Variants in DYM observed in about 807,000 individuals in gnomAD.
DYM encodes dyggve-Melchior-Clausen syndrome protein.
In DYM, 78 loss-of-function variants were observed where a neutral mutation model predicts 93.1. The ratio of observed to expected loss-of-function variants is 0.84; its 90% CI spans 0.70 to 1.01. The LOEUF (loss-of-function observed/expected upper bound fraction) is 1.01. Ranked by LOEUF, DYM falls within the 50% of genes least tolerant of loss-of-function variation. DYM has a pLI of 0.00. For synonymous variants in DYM, 321 were observed against 319.7 expected (o/e 1.00, Z -0.04); for missense variants, 789 against 845.0 (o/e 0.93, Z 0.82).
chr18:49,145,298 T>C (rs2085001735), intron 15 of DYM, among the ~76,000 whole-genome samples: 1 of 151,670 alleles, frequency 6.6e-6, no homozygotes, highest in Non-Finnish European at 1.5e-5. Context: ...TTTTTTCAAT[T>C]GTGTCTTTAA....
intron 14 of DYM, among the ~76,000 whole-genome samples, chr18:49,194,724 A>C (rs1370285480): frequency 6.6e-6 from 1 of 152,096 alleles, no homozygotes; most frequent in Non-Finnish European, 1.5e-5. Context: ...AAATCTTAAC[A>C]ATACTCTCAT....
At chr18:49,195,100 G>C (rs2091321216) in intron 14 of DYM, among the ~76,000 whole-genome samples, 1 of 152,120 alleles carries the variant, frequency 6.6e-6, no homozygotes, top group Non-Finnish European at 1.5e-5. Flanking sequence ...GAAGCTAGCA[G>C]AGTAAATGTT....
intron 15 of DYM, among the ~76,000 whole-genome samples, chr18:49,159,800 CT>C (rs1395286647): frequency 6.6e-6 from 1 of 152,104 alleles, no homozygotes; most frequent in Non-Finnish European, 1.5e-5. Flanking sequence ...AATTTGGTTC[CT>C]TATGGTTGCA....
At chr18:49,265,533 C>T (rs1402423953) in intron 11 of DYM, among the ~76,000 whole-genome samples, 2 of 152,060 alleles carry the variant, frequency 1.3e-5, no homozygotes, top group Non-Finnish European at 2.9e-5. Context: ...AATCCCAGCA[C>T]TTTGGGAGGC....
chr18:49,184,645 C>T (rs1394788263), intron 14 of DYM, among the ~76,000 whole-genome samples: 1 of 152,124 alleles, frequency 6.6e-6, no homozygotes. Context: ...GACTAATGGG[C>T]AGGTCGCATA....
intron 1 of DYM, among the ~76,000 whole-genome samples, chr18:49,435,670 T>C (rs1258296277): frequency 6.6e-6 from 1 of 151,762 alleles, no homozygotes; most frequent in Non-Finnish European, 1.5e-5. Context: ...GCGTCTGTAA[T>C]CCCAGCTACT....
intron 5 of DYM, among the ~76,000 whole-genome samples, chr18:49,369,354 A>G (rs1219313410): frequency 2.0e-5 from 3 of 152,122 alleles, no homozygotes; most frequent in Admixed American, 6.5e-5. Context: ...TAAACTGGGA[A>G]GGGGGGTGGC....
At chr18:49,448,043 A>T (rs1401129292) in intron 1 of DYM, among the ~76,000 whole-genome samples, 1 of 152,106 alleles carries the variant, frequency 6.6e-6, no homozygotes, top group Non-Finnish European at 1.5e-5. Flanking sequence ...CTCTCCATGA[A>T]GCACACTGTC....
chr18:49,272,226 C>A lies in DYM; in HGVS notation c.1203G>T (p.Leu401Phe). 6.2e-7 allele frequency: 1 copy of A among 1,609,968 alleles called. No individual in the cohort carries two copies. The highest frequency in any genetic ancestry group is 8.5e-7 in the Non-Finnish European group (1 of 1,176,594). ...SHHVYMALII[L>F]LILTEDDGFN... ...AGCCATCATCTTCCGTAAGGATCAA[C>A]AATATTATAAGGGCCATATACACAT... The change falls in exon 11 of 18, where the codon TTG becomes TTT. Residue 401 changes from leucine to phenylalanine, a missense_variant. By Grantham distance (22) the Leu-to-Phe change is conservative (BLOSUM62 0). This residue lies in a region of DYM where 225 missense variants were observed against 303.0 expected (regional missense o/e 0.74). Coordinates refer to ENST00000675505, the MANE Select transcript of DYM (RefSeq NM_001353214.3).
At chr18:49,297,170 C>T (rs1326912982) in intron 8 of DYM, among the ~76,000 whole-genome samples, 1 of 152,100 alleles carries the variant, frequency 6.6e-6, no homozygotes, top group Non-Finnish European at 1.5e-5. Context: ...GATGAGGGCA[C>T]TAGGAGATGG....
chr18:49,265,035 A>G (rs1441203955), intron 11 of DYM, among the ~76,000 whole-genome samples: 1 of 152,260 alleles, frequency 6.6e-6, no homozygotes, highest in African/African-American at 2.4e-5. Context: ...CCAAATTAGT[A>G]ATACCAAATA....
At chr18:49,334,841 C>T (rs1229353509) in intron 6 of DYM, among the ~76,000 whole-genome samples, 1 of 152,196 alleles carries the variant, frequency 6.6e-6, no homozygotes, top group Admixed American at 6.5e-5. Flanking sequence ...CTCAGTGGCT[C>T]ACGCCTGTAA....
At chr18:49,081,386 C>T (rs1486939495) in intron 17 of DYM, among the ~76,000 whole-genome samples, 6 of 149,976 alleles carry the variant, frequency 4.0e-5, no homozygotes, top group East Asian at 2.0e-4. Flanking sequence ...TGCCTGCAAT[C>T]GCAGGCACTC....
chr18:49,161,101 AG>A (rs891573992), intron 15 of DYM, among the ~76,000 whole-genome samples: 1 of 151,996 alleles, frequency 6.6e-6, no homozygotes. Context: ...AAAAAAAAAA[AG>A]GATTGTCAAT....
rs557300747 is a variant in DYM, at chr18:49,098,255, G to C, written c.1912-740C>G. On this transcript the variant is annotated intron_variant, in intron 16 of 17. Coordinates refer to ENST00000675505, the MANE Select transcript of DYM (RefSeq NM_001353214.3). ...AATAACATTTAGGTGTTTATAGTCA[G>C]ACATGCAAAAATATAAAAAATTATT... Among the ~76,000 whole-genome samples the C allele has an allele frequency of 4.6e-5, 7 of 152,298 alleles. No homozygotes were observed. The East Asian group carries it at 1.3e-3, about 29-fold the overall frequency.
chr18:49,396,931 G>T (rs1023728004), intron 2 of DYM, among the ~76,000 whole-genome samples: 2 of 152,176 alleles, frequency 1.3e-5, no homozygotes. Context: ...CAGGGAGAGG[G>T]AGAGAGGTCA....
intron 17 of DYM, among the ~76,000 whole-genome samples, chr18:49,080,309 G>A (rs1352694180): frequency 6.7e-5 from 9 of 133,776 alleles, no homozygotes; most frequent in Non-Finnish European, 9.8e-5. Flanking sequence ...CTCACCTCCC[G>A]GACGGGGTGG....
At chr18:49,424,935 G>C (rs965810661) in intron 2 of DYM, among the ~76,000 whole-genome samples, 1 of 152,140 alleles carries the variant, frequency 6.6e-6, no homozygotes, top group South Asian at 2.1e-4. Context: ...TCATGGATAG[G>C]AAGAATCAAT....
intron 15 of DYM, among the ~76,000 whole-genome samples, chr18:49,153,498 C>A (rs1838963): frequency 0.66 from 99,627 of 151,976 alleles, 33,170 homozygotes; most frequent in Non-Finnish European, 0.73. Context: ...GAGAAAATAC[C>A]CGATGAACTG....
Sources: allele counts gnomAD v4.1 joint callset (sites outside exome capture counted in the v4.1 genomes callset), GRCh38; gene constraint gnomAD v4.1.1; regional missense constraint gnomAD v4.1.1; transcripts MANE v1.5; gene names NCBI Gene and HGNC (gene_info 2026-07-23, HGNC 2026-07-21).